AOAH: variants seen among roughly 807,000 people sequenced by gnomAD.
The protein encoded by AOAH is acyloxyacyl hydrolase.
Under a neutral mutation model 92.2 loss-of-function variants are expected in AOAH, and 64 were observed. That is an observed-to-expected ratio of 0.69 (90% confidence interval 0.57 to 0.86). The LOEUF is 0.86. Ranked by LOEUF, AOAH falls within the 40% of genes least tolerant of loss-of-function variation. The pLI, the probability that AOAH is intolerant of heterozygous loss-of-function variation, is 0.00. For synonymous variants in AOAH, 263 were observed against 254.5 expected (o/e 1.03, Z -0.32); for missense variants, 656 against 694.6 (o/e 0.94, Z 0.62).
intron 16 of AOAH, among the ~76,000 whole-genome samples, chr7:36,538,114 G>GCCT (rs1424336000): frequency 6.7e-6 from 1 of 148,934 alleles, no homozygotes; most frequent in Non-Finnish European, 1.5e-5. Context: ...TGCAACCTCT[G>GCCT]CCTCCTGGGT....
intron 3 of AOAH, among the ~76,000 whole-genome samples, chr7:36,672,007 T>C (rs1795969612): frequency 1.3e-5 from 2 of 152,094 alleles, no homozygotes; most frequent in Admixed American, 6.5e-5. Flanking sequence ...AGCTATAATG[T>C]AGATTATGAA....
At chr7:36,659,142 T>C (rs369058927) in intron 4 of AOAH, 24 bp downstream of exon 4, 2 of 1,568,228 alleles carry the variant, frequency 1.3e-6, no homozygotes, top group African/African-American at 1.3e-5. Flanking sequence ...TGGAAACAGA[T>C]GTTCAGAGTG....
intron 1 of AOAH, among the ~76,000 whole-genome samples, chr7:36,697,068 G>A (rs1380119286): frequency 6.6e-6 from 1 of 151,958 alleles, no homozygotes; most frequent in Non-Finnish European, 1.5e-5. Flanking sequence ...AGAATCTTGA[G>A]TACAATGTTG....
intron 13 of AOAH, among the ~76,000 whole-genome samples, chr7:36,553,933 T>G (rs1367427743): frequency 6.6e-6 from 1 of 152,172 alleles, no homozygotes; most frequent in African/African-American, 2.4e-5. Flanking sequence ...TTTTGTAGGT[T>G]GCCTGTTCAC....
intron 3 of AOAH, among the ~76,000 whole-genome samples, chr7:36,667,679 T>G (rs902623207): frequency 6.6e-6 from 1 of 152,224 alleles, no homozygotes; most frequent in African/African-American, 2.4e-5. Context: ...AATAATAGAT[T>G]CATCTATTTA....
At chr7:36,514,979 T>C (rs1367893634) in intron 20 of AOAH, among the ~76,000 whole-genome samples, 1 of 151,802 alleles carries the variant, frequency 6.6e-6, no homozygotes, top group African/African-American at 2.4e-5. Flanking sequence ...TTCTGAGCCT[T>C]CTAAGGTGGA....
chr7:36,639,896 G>T (rs1793782158), intron 4 of AOAH, among the ~76,000 whole-genome samples: 1 of 152,206 alleles, frequency 6.6e-6, no homozygotes, highest in Non-Finnish European at 1.5e-5. Context: ...CAGAGAGAGG[G>T]CTGAATCCCT....
intron 3 of AOAH, among the ~76,000 whole-genome samples, chr7:36,664,763 C>T (rs1207311344): frequency 6.6e-6 from 1 of 152,174 alleles, no homozygotes. Flanking sequence ...AAGAGGTTTA[C>T]TTGGCTCACT....
chr7:36,539,651 C>G (rs1272527492), intron 16 of AOAH, among the ~76,000 whole-genome samples: 1 of 152,344 alleles, frequency 6.6e-6, no homozygotes, highest in East Asian at 1.9e-4. Context: ...ATTCAGTGAG[C>G]TCTGTGGCAT....
rs145949280 is a variant in AOAH, at chr7:36,594,565, G to A, written c.847-135C>T. The stretch of plus-strand genomic sequence containing the variant: ...CAATCTCTCGCTTTAAGGGCTTTTG[G>A]TATTCAAGGCAGATGTCTCTAACCT... On this transcript the variant is annotated intron_variant, in intron 11 of 20. Transcript: ENST00000617537. 91 of 771,964 alleles carry A rather than the reference G, an allele frequency of 1.2e-4. No homozygotes were observed. In the African/African-American group the frequency reaches 1.4e-3, roughly 12 times the overall value. 47.8% of individuals were successfully genotyped at this position (771,964 alleles called of 1,614,324 possible).
intron 9 of AOAH, 47 bp from the exon 10 acceptor site, chr7:36,618,392 G>A (rs762540134): frequency 2.6e-6 from 4 of 1,557,284 alleles, no homozygotes; most frequent in Admixed American, 3.4e-5. Context: ...TTAAATTTAT[G>A]AGATACATAT....
At position 36,616,858 on chromosome 7, in the gene AOAH, A is replaced by G. The variant is rs1302073806; in HGVS notation, c.752-384T>C. 2.0e-5 allele frequency among the ~76,000 whole-genome samples: 3 copies of G among 152,220 alleles called. No homozygotes were observed. In the East Asian group the frequency reaches 5.8e-4, roughly 29 times the overall value. On this transcript the variant is annotated intron_variant, in intron 10 of 20. Coordinates refer to ENST00000617537, the MANE Select transcript of AOAH (RefSeq NM_001637.4). The stretch of plus-strand genomic sequence containing the variant: ...CCATTACAATTCACTTTAAGGGTTA[A>G]TGATCTTATGGAGCAATTTTGATTT...
intron 4 of AOAH, among the ~76,000 whole-genome samples, chr7:36,658,933 C>T (rs925615686): frequency 1.2e-4 from 18 of 152,198 alleles, no homozygotes; most frequent in Non-Finnish European, 1.5e-5. Context: ...GGCAGGCCAG[C>T]TCAAAATTAC....
chr7:36,701,608 T>A (rs1404824535), intron 1 of AOAH, among the ~76,000 whole-genome samples: 1 of 151,796 alleles, frequency 6.6e-6, no homozygotes, highest in Non-Finnish European at 1.5e-5. Flanking sequence ...TACTAATATA[T>A]TTATCCCTAT....
At chr7:36,536,703 C>T (rs1785079978) in intron 16 of AOAH, among the ~76,000 whole-genome samples, 1 of 152,096 alleles carries the variant, frequency 6.6e-6, no homozygotes, top group Non-Finnish European at 1.5e-5. Context: ...AATCCCAGCA[C>T]TTTGGGAGGC....
At chr7:36,714,748 G>A (rs1334628286) in intron 1 of AOAH, among the ~76,000 whole-genome samples, 1 of 152,192 alleles carries the variant, frequency 6.6e-6, no homozygotes, top group Non-Finnish European at 1.5e-5. Context: ...CTCAATAGAT[G>A]CAGAAAAGGC....
At chr7:36,576,680 A>ATTTG in intron 12 of AOAH, 24 bp from the exon 13 acceptor site, 9 of 1,277,410 alleles carry the variant, frequency 7.0e-6, no homozygotes, top group Non-Finnish European at 8.8e-6. Context: ...ATATGTATAT[A>ATTTG]TTTAAGGTCA....
In AOAH at chr7:36,598,828, C is replaced by T. The variant is rs138989976; in HGVS notation, c.847-4398G>A. ...CATTAAACACTAAAAGCCTTATTCA[C>T]GCAACATTATATCCAAGATACTTCA... On this transcript the variant is annotated intron_variant, in intron 11 of 20. Coordinates refer to ENST00000617537, the MANE Select transcript of AOAH (RefSeq NM_001637.4). Among the ~76,000 whole-genome samples the T allele has an allele frequency of 2.1e-4, 32 of 152,298 alleles. No homozygotes were observed. In the East Asian group the frequency reaches 6.0e-3, roughly 28 times the overall value.
At chr7:36,699,742 G>T (rs1434617654) in intron 1 of AOAH, among the ~76,000 whole-genome samples, 1 of 151,194 alleles carries the variant, frequency 6.6e-6, no homozygotes, top group Non-Finnish European at 1.5e-5. Flanking sequence ...CCATTCTGTG[G>T]GTTATGGCCT....
Sources: gnomAD v4.1 joint callset for allele counts (sites outside exome capture counted in the v4.1 genomes callset) on GRCh38, gnomAD v4.1.1 for gene constraint, MANE v1.5 for transcripts, NCBI Gene and HGNC (gene_info 2026-07-23, HGNC 2026-07-21) for gene names.